Variants in GRM5 observed in about 807,000 individuals in gnomAD.
GRM5 encodes the protein metabotropic glutamate receptor 5.
Under a neutral mutation model 83.1 loss-of-function variants are expected in GRM5, and 19 were observed. That is an observed-to-expected ratio of 0.23 (90% CI 0.16 to 0.34). The LOEUF (loss-of-function observed/expected upper bound fraction) is 0.34, where lower values mean the gene tolerates loss of function less well. Ranked by LOEUF, GRM5 falls within the 10% of genes least tolerant of loss-of-function variation. GRM5 has a pLI of 1.00. For missense variants in GRM5, 1,160 were observed against 1,588.3 expected, an observed-to-expected ratio of 0.73 and a Z score of 4.58; for synonymous variants, 675 against 633.6, an observed-to-expected ratio of 1.07 and a Z score of -0.98.
At chr11:89,008,339 AT>A (rs1397643031) in intron 2 of GRM5, among the ~76,000 whole-genome samples, 1 of 152,154 alleles carries the variant, frequency 6.6e-6, no homozygotes, top group African/African-American at 2.4e-5. Flanking sequence ...AAATTTAAGT[AT>A]GCTCAGATCT....
chr11:88,860,566 G>A (rs1326637937), intron 2 of GRM5, among the ~76,000 whole-genome samples: 2 of 152,098 alleles, frequency 1.3e-5, no homozygotes, highest in East Asian at 3.9e-4. Context: ...CTACAGCGCA[G>A]CCAAAACTCT....
intron 2 of GRM5, among the ~76,000 whole-genome samples, chr11:88,905,669 C>T (rs1482706502): frequency 6.6e-6 from 1 of 152,092 alleles, no homozygotes; most frequent in Admixed American, 6.6e-5. Context: ...CGGGGTAGGA[C>T]CTCTTATTAG....
At chr11:88,938,904 C>T (rs1329341913) in intron 2 of GRM5, among the ~76,000 whole-genome samples, 1 of 151,748 alleles carries the variant, frequency 6.6e-6, no homozygotes, top group Non-Finnish European at 1.5e-5. Context: ...TCTCCATTAA[C>T]ATGTTCCAGG....
intron 8 of GRM5, among the ~76,000 whole-genome samples, chr11:88,551,394 C>A (rs1244145773): frequency 2.0e-5 from 3 of 152,156 alleles, no homozygotes; most frequent in Admixed American, 2.0e-4. Flanking sequence ...ATCTACCTCC[C>A]ACCAGCAGAC....
rs192992283 is a variant in GRM5 at position 88,815,302 on chromosome 11, C to G, written c.911+34604G>C. 3.9e-5 allele frequency among the ~76,000 whole-genome samples: 6 copies of G among 152,120 alleles called. No homozygotes were observed. In the East Asian group the frequency reaches 1.2e-3, roughly 29 times the overall value. On this transcript the variant is annotated intron_variant, in intron 3 of 9. Transcript: ENST00000305447. ...CTGAAAAATCTTCAATATTTGGGAA[C>G]TAAATAAAACATTTATAATAACTCA...
At chr11:88,525,262 G>C in intron 9 of GRM5, 47 bp downstream of exon 9, 1 of 1,072,854 alleles carries the variant, frequency 9.3e-7, no homozygotes, top group South Asian at 1.3e-5. Context: ...CCTCTAGCTT[G>C]CATACATTTA....
At chr11:88,991,351 G>C (rs375564670) in intron 2 of GRM5, among the ~76,000 whole-genome samples, 8 of 151,758 alleles carry the variant, frequency 5.3e-5, no homozygotes, top group African/African-American at 1.5e-4. Context: ...CACTGCTCAA[G>C]GAAATAAAAG....
intron 1 of GRM5, among the ~76,000 whole-genome samples, chr11:89,055,148 A>C (rs1288922962): frequency 6.6e-6 from 1 of 152,112 alleles, no homozygotes; most frequent in Non-Finnish European, 1.5e-5. Context: ...CCTGATATGC[A>C]GTTGTTCCAA....
chr11:88,887,193 C>T (rs1266020664), intron 2 of GRM5, among the ~76,000 whole-genome samples: 1 of 152,196 alleles, frequency 6.6e-6, no homozygotes, highest in Non-Finnish European at 1.5e-5. Flanking sequence ...TTGATACTGT[C>T]CCATCAGCAG....
In GRM5 at chr11:88,826,417, C is replaced by T. The variant is rs147869788; in HGVS notation, c.911+23489G>A. Among the ~76,000 whole-genome samples, 894 of 151,586 alleles carry T rather than the reference C, an allele frequency of 5.9e-3. 17 individuals carry two copies. In the East Asian group the frequency reaches 0.071, roughly 12 times the overall value. On this transcript the variant is annotated intron_variant, in intron 3 of 9. Coordinates refer to ENST00000305447, the MANE Select transcript of GRM5 (RefSeq NM_001143831.3). ...TAAAGGCCATTATCAACTACAAATA[C>T]ACAGACACACATGTATGTACAAATA...
chr11:88,891,686 C>T (rs11021657), intron 2 of GRM5, among the ~76,000 whole-genome samples: 1 of 151,108 alleles, frequency 6.6e-6, no homozygotes, highest in Admixed American at 6.6e-5. Context: ...TTAACTGTAA[C>T]TACCCTGAAA....
intron 2 of GRM5, among the ~76,000 whole-genome samples, chr11:88,956,179 G>A (rs528415585): frequency 6.6e-6 from 1 of 152,170 alleles, no homozygotes; most frequent in Admixed American, 6.5e-5. Flanking sequence ...AATTTTGTCG[G>A]AATAAATAAT....
chr11:88,563,784 T>C (rs756986280), intron 8 of GRM5, among the ~76,000 whole-genome samples: 15 of 152,232 alleles, frequency 9.9e-5, no homozygotes, highest in Non-Finnish European at 1.6e-4. Flanking sequence ...TTCCCATTAG[T>C]TAAGCTGAAG....
chr11:88,685,889 G>A (rs1472757063), intron 3 of GRM5, among the ~76,000 whole-genome samples: 1 of 152,208 alleles, frequency 6.6e-6, no homozygotes, highest in Non-Finnish European at 1.5e-5. Context: ...GAAGTTTGCT[G>A]CAGGATTGGG....
chr11:89,051,704 C>T (rs1252682672), intron 1 of GRM5, among the ~76,000 whole-genome samples: 4 of 152,038 alleles, frequency 2.6e-5, no homozygotes, highest in Non-Finnish European at 5.9e-5. Flanking sequence ...AGTGATACTC[C>T]GTCTCAAGAA....
At chr11:88,699,539 C>A (rs1474477569) in intron 3 of GRM5, among the ~76,000 whole-genome samples, 1 of 152,184 alleles carries the variant, frequency 6.6e-6, no homozygotes, top group African/African-American at 2.4e-5. Context: ...CATCTAAGAG[C>A]AGCTAGGAAG....
Position 88,802,811 on chromosome 11 carries a change from TA to T in GRM5, c.911+47094del, listed in dbSNP as rs537202198. ...CCATCATCTCAGCCCAAAATCTCCT[TA>T]AGCTGATAAGCAACTTCAGCAAATT... On this transcript the variant is annotated intron_variant, in intron 3 of 9. Coordinates refer to ENST00000305447, the MANE Select transcript of GRM5 (RefSeq NM_001143831.3). Among the ~76,000 whole-genome samples the T allele has an allele frequency of 2.5e-3, 385 of 151,212 alleles. 3 individuals are homozygous for T. Among genetic ancestry groups the T allele is most frequent in the African/African-American group, 8.7e-3 (356 of 40,856 alleles).
At chr11:88,706,614 TGG>T (rs1157575440) in intron 3 of GRM5, among the ~76,000 whole-genome samples, 3 of 152,096 alleles carry the variant, frequency 2.0e-5, no homozygotes, top group African/African-American at 7.2e-5. Flanking sequence ...TGAACCTGGA[TGG>T]ATGGTCACCT....
At chr11:88,527,011 C>T (rs540744465) in intron 8 of GRM5, among the ~76,000 whole-genome samples, 3 of 152,092 alleles carry the variant, frequency 2.0e-5, no homozygotes, top group Non-Finnish European at 4.4e-5. Context: ...AACTTAGAGA[C>T]TTTGTTAAAG....
Sources: gnomAD v4.1 joint callset for allele counts (sites outside exome capture counted in the v4.1 genomes callset) on GRCh38, gnomAD v4.1.1 for gene constraint, MANE v1.5 for transcripts, NCBI Gene and HGNC (gene_info 2026-07-23, HGNC 2026-07-21) for gene names.